The following ZNF438 variants were observed in gnomAD, a reference collection of about 807,000 sequenced individuals.
The protein encoded by ZNF438 is zinc finger protein 438.
A neutral mutation model predicts 38.0 loss-of-function variants in ZNF438; 25 were observed. The observed-to-expected ratio is 0.66, with a 90% CI of 0.48 to 0.92. The LOEUF (loss-of-function observed/expected upper bound fraction) is 0.92. Ranked by LOEUF, ZNF438 falls within the 40% of genes least tolerant of loss-of-function variation. The pLI is 0.00. For synonymous variants in ZNF438, 372 were observed against 364.1 expected (o/e 1.02, Z -0.25); for missense variants, 1,007 against 999.6 (o/e 1.01, Z -0.10).
intron 1 of ZNF438, among the ~76,000 whole-genome samples, chr10:30,989,444 C>T (rs951299440): frequency 1.3e-5 from 2 of 152,118 alleles, no homozygotes; most frequent in African/African-American, 4.8e-5. Flanking sequence ...ATTCTATGGC[C>T]ACATCTTCCT....
chr10:30,952,546 A>G (rs1186862753), intron 1 of ZNF438, among the ~76,000 whole-genome samples: 1 of 147,090 alleles, frequency 6.8e-6, no homozygotes, highest in Admixed American at 6.8e-5. Context: ...AACTCAAACA[A>G]ATTTACAAGA....
At chr10:30,957,212 C>A (rs979058622) in intron 1 of ZNF438, among the ~76,000 whole-genome samples, 5 of 152,268 alleles carry the variant, frequency 3.3e-5, no homozygotes, top group South Asian at 2.1e-4. Context: ...CTATTCAGAT[C>A]TTTTCCCACT....
At position 30,874,104 on chromosome 10, in the gene ZNF438, G is replaced by T. The variant is rs2037946430; in HGVS notation, c.37+2894C>A. Among the ~76,000 whole-genome samples the T allele has an allele frequency of 1.2e-4, 3 of 25,678 alleles. No individual in the cohort carries two copies. In the Admixed American group the frequency reaches 1.3e-3, roughly 11 times the overall value. The allele number at this position is 25,678 out of a possible 152,430, so 16.8% of individuals were successfully genotyped here. On this transcript the variant is annotated intron_variant, in intron 4 of 5. Transcript: ENST00000413025. Reference sequence around the variant, plus strand: ...ATATATTACGTGTGGGTGTGTGGGGGTGTGTGTGTGTATATATATATATAT... The same window carrying T: ...ATATATTACGTGTGGGTGTGTGGGGTTGTGTGTGTGTATATATATATATAT...
At chr10:30,988,480 T>C (rs2053102482) in intron 1 of ZNF438, among the ~76,000 whole-genome samples, 1 of 152,088 alleles carries the variant, frequency 6.6e-6, no homozygotes, top group Non-Finnish European at 1.5e-5. Context: ...TTATGTAGTA[T>C]ATTATTAGTC....
At chr10:30,995,936 G>A (rs2054002717) in intron 1 of ZNF438, among the ~76,000 whole-genome samples, 1 of 152,150 alleles carries the variant, frequency 6.6e-6, no homozygotes, top group Non-Finnish European at 1.5e-5. Flanking sequence ...TGTTGGGTTT[G>A]ACATAATAGG....
chr10:30,940,938 C>A (rs978124013), intron 2 of ZNF438, among the ~76,000 whole-genome samples: 2 of 150,444 alleles, frequency 1.3e-5, no homozygotes, highest in Non-Finnish European at 3.0e-5. Flanking sequence ...TATATATTAG[C>A]TACAACGCAA....
At chr10:30,878,819 G>A (rs1225759916) in intron 3 of ZNF438, among the ~76,000 whole-genome samples, 1 of 152,142 alleles carries the variant, frequency 6.6e-6, no homozygotes, top group Non-Finnish European at 1.5e-5. Flanking sequence ...GAACCCACTC[G>A]CTTGCTCACG....
At chr10:30,954,313 C>T (rs1365733482) in intron 1 of ZNF438, among the ~76,000 whole-genome samples, 2 of 152,006 alleles carry the variant, frequency 1.3e-5, no homozygotes, top group Non-Finnish European at 2.9e-5. Context: ...TTTAAAGAAC[C>T]AGGACTTGAT....
intron 5 of ZNF438, among the ~76,000 whole-genome samples, chr10:30,847,781 C>T (rs546946223): frequency 6.6e-6 from 1 of 152,360 alleles, no homozygotes; most frequent in Admixed American, 6.5e-5. Flanking sequence ...GAGGTGGCAC[C>T]TGGAGCTGCC....
intron 1 of ZNF438, among the ~76,000 whole-genome samples, chr10:31,027,867 T>C (rs1490611919): frequency 1.3e-5 from 2 of 152,186 alleles, no homozygotes; most frequent in African/African-American, 4.8e-5. Flanking sequence ...TAATTTTATA[T>C]ATTTTTAAAA....
intron 1 of ZNF438, among the ~76,000 whole-genome samples, chr10:30,985,724 C>T (rs2052703718): frequency 6.6e-6 from 1 of 152,142 alleles, no homozygotes; most frequent in African/African-American, 2.4e-5. Context: ...ATGAAGTCAC[C>T]ATGAACACTG....
At chr10:30,858,025 C>T (rs1259332942) in intron 4 of ZNF438, among the ~76,000 whole-genome samples, 1 of 152,196 alleles carries the variant, frequency 6.6e-6, no homozygotes, top group African/African-American at 2.4e-5. Context: ...CTCTTCTGGT[C>T]GCTGGTTTGG....
chr10:30,892,242 T>C (rs2040784530), intron 3 of ZNF438, among the ~76,000 whole-genome samples: 1 of 152,170 alleles, frequency 6.6e-6, no homozygotes, highest in Non-Finnish European at 1.5e-5. Context: ...ATATACTGTA[T>C]TTTTTCCTAT....
intron 2 of ZNF438, among the ~76,000 whole-genome samples, chr10:30,916,408 T>C (rs1392882380): frequency 6.6e-6 from 1 of 152,068 alleles, no homozygotes; most frequent in African/African-American, 2.4e-5. Context: ...AATGAACACC[T>C]GTTTTCCCAC....
At chr10:30,986,397 T>C (rs2052792607) in intron 1 of ZNF438, among the ~76,000 whole-genome samples, 1 of 152,146 alleles carries the variant, frequency 6.6e-6, no homozygotes, top group African/African-American at 2.4e-5. Context: ...AAAGCAAAAA[T>C]CATGGCACTA....
At chr10:30,865,768 G>T (rs1189733971) in intron 4 of ZNF438, among the ~76,000 whole-genome samples, 1 of 152,158 alleles carries the variant, frequency 6.6e-6, no homozygotes, top group Non-Finnish European at 1.5e-5. Context: ...GAGAGTAGAC[G>T]TCTGGCTTTG....
chr10:30,924,601 T>C (rs750937105), intron 2 of ZNF438, among the ~76,000 whole-genome samples: 12 of 152,344 alleles, frequency 7.9e-5, no homozygotes, highest in South Asian at 4.1e-4. Context: ...TATGGGATAA[T>C]TGGGTGGGTT....
chr10:30,932,660 T>C (rs1361552480), intron 2 of ZNF438, among the ~76,000 whole-genome samples: 1 of 152,308 alleles, frequency 6.6e-6, no homozygotes, highest in South Asian at 2.1e-4. Flanking sequence ...CAAAGAAATA[T>C]GCCATCAGTT....
chr10:30,980,267 A>C (rs890646458), intron 1 of ZNF438, among the ~76,000 whole-genome samples: 6 of 151,826 alleles, frequency 4.0e-5, no homozygotes, highest in Admixed American at 6.5e-5. Context: ...AAAAAAAAAA[A>C]AAAACACCTT....
Sources: gnomAD v4.1 joint callset for allele counts (sites outside exome capture counted in the v4.1 genomes callset) on GRCh38, gnomAD v4.1.1 for gene constraint, MANE v1.5 for transcripts, NCBI Gene and HGNC (gene_info 2026-07-23, HGNC 2026-07-21) for gene names.